The following ZFHX3 variants were observed in gnomAD, a reference collection of about 807,000 sequenced individuals.
ZFHX3 encodes the protein zinc finger homeobox 3.
In ZFHX3, 42 loss-of-function variants were observed where a neutral mutation model predicts 279.1. The ratio of observed to expected loss-of-function variants is 0.15; its 90% CI spans 0.12 to 0.19. The LOEUF (loss-of-function observed/expected upper bound fraction) is 0.19, where lower values mean the gene tolerates loss of function less well. Among genes scored for constraint, ZFHX3 ranks in the 10% least tolerant of loss-of-function variants. The pLI, the probability that ZFHX3 is intolerant of heterozygous loss-of-function variation, is 1.00. For synonymous variants in ZFHX3, 2,293 were observed against 1,957.8 expected, an observed-to-expected ratio of 1.17 and a Z score of -4.52; for missense variants, 4,981 against 4,754.0, an observed-to-expected ratio of 1.05 and a Z score of -1.40.
chr16:73,026,896 A>T (rs1964531692), intron 1 of ZFHX3, among the ~76,000 whole-genome samples: 1 of 152,202 alleles, frequency 6.6e-6, no homozygotes, highest in Non-Finnish European at 1.5e-5. Context: ...GCTAGTTAGC[A>T]GTAGATTTGG....
At chr16:73,687,020 AT>A (rs2053093380) in intron 1 of ZFHX3, among the ~76,000 whole-genome samples, 1 of 21,612 alleles carries the variant, frequency 4.6e-5, no homozygotes, top group Non-Finnish European at 8.5e-5. Context: ...AAATATATAT[AT>A]ATATATATAT....
rs148467428 is a variant in ZFHX3 at position 73,524,826 on chromosome 16, T to C, written c.-1546-68568A>G. Among the ~76,000 whole-genome samples the C allele has an allele frequency of 2.6e-3, 397 of 152,318 alleles. 1 individual carries two copies. Among genetic ancestry groups the C allele is most frequent in the African/African-American group, 9.2e-3 (382 of 41,572 alleles). ...TGTGGTCAGAGGTCTTCGTTTTCCA[T>C]ATTTGTACACAGTCTTTCCCCAGGT... On this transcript the variant is annotated intron_variant, in intron 2 of 17. Coordinates refer to the ZFHX3 transcript ENST00000641206.
At chr16:72,957,366 T>C in intron 2 of ZFHX3, 61 bp downstream of exon 2, 1 of 1,530,918 alleles carries the variant, frequency 6.5e-7, no homozygotes, top group Non-Finnish European at 8.8e-7. Flanking sequence ...CTCACCCTAT[T>C]CACCATTCTC....
At chr16:73,529,335 G>A (rs1002839483) in intron 2 of ZFHX3, among the ~76,000 whole-genome samples, 19 of 152,166 alleles carry the variant, frequency 1.2e-4, no homozygotes, top group Non-Finnish European at 2.8e-4. Context: ...AGAAATCAAA[G>A]GGTTTGGTGC....
upstream of ZFHX3, among the ~76,000 whole-genome samples, chr16:73,051,996 G>C (rs540738007): frequency 6.6e-5 from 10 of 152,288 alleles, no homozygotes; most frequent in Admixed American, 3.9e-4. Flanking sequence ...TACATTACAG[G>C]AGAGAGAGGC....
chr16:73,504,283 G>A (rs1489209957), intron 2 of ZFHX3: 1 of 152,250 alleles, frequency 6.6e-6, no homozygotes, highest in Non-Finnish European at 1.5e-5. Flanking sequence ...ACCAAAGAAG[G>A]AAAGAAACAA....
intron 3 of ZFHX3, among the ~76,000 whole-genome samples, chr16:73,436,434 A>G (rs536612422): frequency 6.6e-6 from 1 of 152,274 alleles, no homozygotes; most frequent in Non-Finnish European, 1.5e-5. Context: ...GAGAATGAGA[A>G]CCAAGTGAAA....
intron 4 of ZFHX3, among the ~76,000 whole-genome samples, chr16:72,849,465 T>A (rs188693683): frequency 6.6e-6 from 1 of 151,938 alleles, no homozygotes; most frequent in East Asian, 1.9e-4. Flanking sequence ...GAGGCCACGA[T>A]CCTGCCAAGA....
intron 1 of ZFHX3, among the ~76,000 whole-genome samples, chr16:72,963,360 T>G (rs935012194): frequency 4.6e-5 from 7 of 152,180 alleles, no homozygotes; most frequent in Non-Finnish European, 1.0e-4. Context: ...CCCCCAATGT[T>G]GCACTCAACA....
intron 2 of ZFHX3, among the ~76,000 whole-genome samples, chr16:73,556,911 T>C (rs1337572157): frequency 1.3e-5 from 2 of 151,634 alleles, no homozygotes; most frequent in Non-Finnish European, 2.9e-5. Flanking sequence ...CTGGCTCACA[T>C]GGTGAAACCC....
At chr16:73,323,872 A>G (rs542025881) in intron 3 of ZFHX3, among the ~76,000 whole-genome samples, 6 of 152,356 alleles carry the variant, frequency 3.9e-5, no homozygotes, top group African/African-American at 1.4e-4. Context: ...AAAAGTGATC[A>G]ACCCATCTGG....
intron 4 of ZFHX3, among the ~76,000 whole-genome samples, chr16:73,304,696 C>G (rs985703804): frequency 6.6e-6 from 1 of 152,170 alleles, no homozygotes; most frequent in African/African-American, 2.4e-5. Context: ...CTCAAGCCCT[C>G]CTTTGAACCA....
chr16:73,079,189 G>A (rs146564585), intron 8 of ZFHX3, among the ~76,000 whole-genome samples: 8 of 151,834 alleles, frequency 5.3e-5, no homozygotes, highest in Non-Finnish European at 1.0e-4. Context: ...CTGTCCCCAC[G>A]GCACACCTGC....
chr16:73,812,377 T>A (rs1388516106), intron 1 of ZFHX3, among the ~76,000 whole-genome samples: 4 of 152,214 alleles, frequency 2.6e-5, no homozygotes, highest in Non-Finnish European at 5.9e-5. Flanking sequence ...TTTCTCCCAT[T>A]ACACTGCTTG....
At chr16:73,712,875 G>A (rs1334973132) in intron 1 of ZFHX3, among the ~76,000 whole-genome samples, 1 of 152,224 alleles carries the variant, frequency 6.6e-6, no homozygotes, top group Non-Finnish European at 1.5e-5. Flanking sequence ...TTTGCCTCAT[G>A]CTGGAGAGAC....
At chr16:73,291,709 T>G (rs1723430490) in intron 4 of ZFHX3, among the ~76,000 whole-genome samples, 1 of 152,192 alleles carries the variant, frequency 6.6e-6, no homozygotes, top group African/African-American at 2.4e-5. Context: ...TTTAACTATA[T>G]GCATTACCTA....
chr16:73,357,519 T>C (rs2016363957), intron 3 of ZFHX3, among the ~76,000 whole-genome samples: 1 of 152,160 alleles, frequency 6.6e-6, no homozygotes, highest in African/African-American at 2.4e-5. Context: ...AAGACCCTGT[T>C]GGAGGCACAC....
At chr16:73,255,930 G>A (rs1175404532) in intron 5 of ZFHX3, among the ~76,000 whole-genome samples, 2 of 152,238 alleles carry the variant, frequency 1.3e-5, no homozygotes, top group Admixed American at 6.5e-5. Flanking sequence ...GGAGTCTGCC[G>A]TCTTGGTTGC....
intron 2 of ZFHX3, among the ~76,000 whole-genome samples, chr16:73,652,429 A>C (rs2052680938): frequency 6.6e-6 from 1 of 152,258 alleles, no homozygotes; most frequent in Admixed American, 6.5e-5. Flanking sequence ...TAAACAAATA[A>C]AAACTGAAGA....
Sources: allele counts gnomAD v4.1 joint callset (sites outside exome capture counted in the v4.1 genomes callset), GRCh38; gene constraint gnomAD v4.1.1; transcripts MANE v1.5; gene names NCBI Gene and HGNC (gene_info 2026-07-23, HGNC 2026-07-21).